Variants in ALOXE3 observed in about 807,000 individuals in gnomAD.
ALOXE3 encodes the protein hydroperoxide isomerase ALOXE3.
In ALOXE3, 78 loss-of-function variants were observed where a neutral mutation model predicts 87.5. That is an observed-to-expected ratio of 0.89 (90% confidence interval 0.74 to 1.08). ALOXE3 has a LOEUF of 1.08. Among genes scored for constraint, ALOXE3 ranks in the 50% least tolerant of loss-of-function variants. The pLI is 0.00. For synonymous variants in ALOXE3, 363 were observed against 370.8 expected, an observed-to-expected ratio of 0.98 and a Z score of 0.24; for missense variants, 946 against 912.4, an observed-to-expected ratio of 1.04 and a Z score of -0.47.
chr17:8,112,923 T>C (rs553821976), intron 6 of ALOXE3, among the ~76,000 whole-genome samples: 5 of 152,222 alleles, frequency 3.3e-5, no homozygotes, highest in Admixed American at 1.3e-4. Context: ...ACCTCCCAAG[T>C]AGCAGGCACT....
chr17:8,096,524 G>C lies in ALOXE3; in HGVS notation c.*103C>G. On this transcript the variant is annotated 3_prime_UTR_variant, in exon 16 of 16. Coordinates refer to ENST00000448843, the MANE Select transcript of ALOXE3 (RefSeq NM_021628.3). ...CTCCATGTGCAGAAGAGAAGGTTCA[G>C]GTGAACTGAGAACAGGGAGGATGGA... 1.3e-6 allele frequency: 1 copy of C among 762,400 alleles called. No individual in the cohort carries two copies. Among genetic ancestry groups the C allele is most frequent in the Non-Finnish European group, 2.4e-6 (1 of 412,190 alleles). The allele number at this position is 762,400 out of a possible 1,614,324, so 47.2% of individuals were successfully genotyped here.
rs1980784162 is a variant in ALOXE3, at chr17:8,118,160, TTCTC to T, written c.-174_-171del. 4 of 1,551,392 alleles carry T rather than the reference TTCTC, an allele frequency of 2.6e-6. No homozygotes were observed. The highest frequency in any genetic ancestry group is 3.5e-6 in the Non-Finnish European group (4 of 1,147,000). ...GCTCTCTCTGGGATGTTCCTGGGCTTTCTCTCTCCGAAGCTCCCTGCTGGCGGCT... is the reference window on the plus strand; with the variant it reads ...GCTCTCTCTGGGATGTTCCTGGGCTTTCTCCGAAGCTCCCTGCTGGCGGCT... On this transcript the variant is annotated 5_prime_UTR_variant, in exon 2 of 16. Transcript: ENST00000448843.
Position 8,115,612 on chromosome 17 carries a change from G to A in ALOXE3, c.429C>T (p.Cys143=), listed in dbSNP as rs771813730. The change falls in exon 4 of 16, where the codon TGC becomes TGT. Residue 143 remains cysteine (C), a synonymous_variant. Transcript: ENST00000448843. ...RTRELRARQE[C]YRWKIYAPGF... The stretch of plus-strand genomic sequence containing the variant: ...TCAAATTAGGCCACCCTCACCGGTA[G>A]CATTCTTGTCGGGCCCGGAGCTCCC... The A allele has an allele frequency of 3.7e-6, 6 of 1,613,164 alleles. No individual in the cohort carries two copies. In the South Asian group the frequency reaches 5.5e-5, roughly 15 times the overall value.
chr17:8,103,394 G>T lies in ALOXE3; in HGVS notation c.1885C>A (p.Leu629Ile). Residue 629 changes from leucine to isoleucine, a missense_variant, in exon 15 of 16, where the codon CTC becomes ATC. By Grantham distance (5) the Leu-to-Ile change is conservative. Coordinates refer to ENST00000448843, the MANE Select transcript of ALOXE3 (RefSeq NM_021628.3). ...TTACAGCTGATGTTCACTTCAGGGA[G>T]GGTGTCTAGGTAAGTCTTCAGGGTG... ...TTTLKTYLDT[L>I]PEVNISCNNL... The T allele has an allele frequency of 6.2e-7, 1 of 1,614,154 alleles. No individual in the cohort carries two copies. The highest frequency in any genetic ancestry group is 8.5e-7 in the Non-Finnish European group (1 of 1,180,022).
intron 6 of ALOXE3, among the ~76,000 whole-genome samples, chr17:8,113,651 TC>T (rs1356923623): frequency 6.8e-6 from 1 of 148,010 alleles, no homozygotes; most frequent in African/African-American, 2.6e-5. Flanking sequence ...AGACTCCGTC[TC>T]AAAACAACAA....
intron 1 of ALOXE3, 90 bp from the exon 2 acceptor site, chr17:8,118,393 G>C (rs1482954760): frequency 6.4e-7 from 1 of 1,551,184 alleles, no homozygotes; most frequent in Non-Finnish European, 8.7e-7. Context: ...TCAGCGGCCC[G>C]GACTGATGCC....
chr17:8,104,379 G>A (rs1241289531), intron 13 of ALOXE3, among the ~76,000 whole-genome samples, 164 bp from the exon 14 acceptor site: 2 of 152,080 alleles, frequency 1.3e-5, no homozygotes, highest in Non-Finnish European at 2.9e-5. Context: ...CAAGATTTGT[G>A]GTCTCTGAAG....
intron 13 of ALOXE3, among the ~76,000 whole-genome samples, chr17:8,106,863 C>G (rs1364584066): frequency 6.6e-6 from 1 of 151,366 alleles, no homozygotes. Flanking sequence ...TTCTGATGCA[C>G]TAACTCAGAG....
At chr17:8,107,522 A>G (rs957809603) in intron 13 of ALOXE3, among the ~76,000 whole-genome samples, 25 of 151,892 alleles carry the variant, frequency 1.6e-4, no homozygotes, top group Non-Finnish European at 2.9e-4. Flanking sequence ...GTCTCGCACC[A>G]GGCGAGGTGG....
chr17:8,115,491 G>A, intron 4 of ALOXE3, 116 bp downstream of exon 4: 1 of 1,073,404 alleles, frequency 9.3e-7, no homozygotes, highest in East Asian at 2.5e-5. Context: ...CCAAATAAGA[G>A]TCCTGATCCA....
chr17:8,115,116 G>A, intron 4 of ALOXE3, 59 bp from the exon 5 acceptor site: 1 of 1,604,322 alleles, frequency 6.2e-7, no homozygotes, highest in Non-Finnish European at 8.5e-7. Context: ...ACAAGTCTTA[G>A]CTTTAAAGAC....
chr17:8,112,190 C>G lies in ALOXE3; in HGVS notation c.687G>C (p.Leu229Phe). The change falls in exon 7 of 16, where the codon TTG (leucine) becomes TTC (phenylalanine). Residue 229 changes from leucine to phenylalanine, a missense_variant. Leu to Phe is a conservative substitution (Grantham distance 22). Coordinates refer to ENST00000448843, the MANE Select transcript of ALOXE3 (RefSeq NM_021628.3). ...SLLFNAIPAS[L>F]GMKLRGLLDR... ...CCAACAGCCCTCGAAGCTTCATTCCCAAGGACCTGATGGGAGAGGAAAAGA... is the reference window on the plus strand; with the variant it reads ...CCAACAGCCCTCGAAGCTTCATTCCGAAGGACCTGATGGGAGAGGAAAAGA... 6.2e-7 allele frequency: 1 copy of G among 1,613,858 alleles called. No homozygotes were observed.
chr17:8,098,647 G>A (rs1411392125), intron 15 of ALOXE3, among the ~76,000 whole-genome samples: 1 of 152,090 alleles, frequency 6.6e-6, no homozygotes, highest in Non-Finnish European at 1.5e-5. Context: ...CACATATTGA[G>A]ATAATTATAT....
Position 8,109,230 on chromosome 17 carries a change from A to G in ALOXE3, c.1506T>C (p.Ala502=). The G allele has an allele frequency of 6.2e-7, 1 of 1,614,098 alleles. No homozygotes were observed. Among genetic ancestry groups the G allele is most frequent in the Admixed American group, 1.7e-5 (1 of 60,034 alleles). Residue 502 remains alanine (A), a synonymous_variant, in exon 12 of 16, where the codon GCT becomes GCC. Coordinates refer to ENST00000448843, the MANE Select transcript of ALOXE3 (RefSeq NM_021628.3). Reference sequence around the variant, plus strand: ...CGTCTCGGTAGTGGTAGTTGGGGATAGCCAGGACGCCGCGGGCCCGCAGGC... The same window carrying G: ...CGTCTCGGTAGTGGTAGTTGGGGATGGCCAGGACGCCGCGGGCCCGCAGGC... The part of the protein sequence containing the change: ...PDSLRARGVL[A]IPNYHYRDDG...
chr17:8,110,179 G>C lies in ALOXE3; in HGVS notation c.1218C>G (p.Asn406Lys). ...RNSEFLVHEN[N>K]THFLCTHLLC... ...GCAAATGCGTGCACAGAAAGTGCGT[G>C]TTGTTTTCGTGCACCAGGAACTCAG... Residue 406 changes from asparagine (N) to lysine (K), a missense_variant, in exon 10 of 16, where the codon AAC (asparagine) becomes AAG (lysine). Asn to Lys is a moderately conservative substitution (Grantham distance 94). Transcript: ENST00000448843. 6.2e-7 allele frequency: 1 copy of C among 1,614,122 alleles called. No homozygotes were observed. Among genetic ancestry groups the C allele is most frequent in the East Asian group, 2.2e-5 (1 of 44,886 alleles).
chr17:8,114,479 C>A lies in ALOXE3; in HGVS notation c.680+5G>T. On this transcript the variant is annotated splice_donor_5th_base_variant and intron_variant, in intron 6 of 15. Transcript: ENST00000448843. ...AGATGTTCATTAGAGGGACAATGGCCTTACGCAGGGATGGCATTGAAGAGC... is the reference window on the plus strand; with the variant it reads ...AGATGTTCATTAGAGGGACAATGGCATTACGCAGGGATGGCATTGAAGAGC... The A allele has an allele frequency of 6.2e-7, 1 of 1,613,734 alleles. No individual in the cohort carries two copies. Among genetic ancestry groups the A allele is most frequent in the Non-Finnish European group, 8.5e-7 (1 of 1,179,946 alleles).
intron 3 of ALOXE3, 64 bp downstream of exon 3, chr17:8,116,712 G>C (rs1028846754): frequency 6.4e-7 from 1 of 1,555,862 alleles, no homozygotes; most frequent in African/African-American, 1.4e-5. Context: ...GGCTCTGTGA[G>C]ACCCCACTCC....
Position 8,115,072 on chromosome 17 carries a change from A to C in ALOXE3, c.435-15T>G, listed in dbSNP as rs761710105. 1 of 1,614,168 alleles carries C rather than the reference A, an allele frequency of 6.2e-7. No homozygotes were observed. Among genetic ancestry groups the C allele is most frequent in the Non-Finnish European group, 8.5e-7 (1 of 1,179,990 alleles). On this transcript the variant is annotated splice_polypyrimidine_tract_variant and intron_variant, in intron 4 of 15. Coordinates refer to ENST00000448843, the MANE Select transcript of ALOXE3 (RefSeq NM_021628.3). The stretch of plus-strand genomic sequence containing the variant: ...AGATCTTCCAGCTTCCGAGGGAAAG[A>C]GGTCAGAGGTGGCAGGTCATGCTCG...
In ALOXE3 at chr17:8,118,305, T is replaced by C. The variant is rs1190631583; in HGVS notation, c.-313-2A>G. 3 of 1,551,644 alleles carry C rather than the reference T, an allele frequency of 1.9e-6. No homozygotes were observed. The South Asian group carries it at 3.6e-5, about 18-fold the overall frequency. On this transcript the variant is annotated splice_acceptor_variant, in intron 1 of 15. Transcript: ENST00000448843. LOFTEE classifies it low-confidence loss of function (5UTR_SPLICE). ...TGGATATCAGGAGCCTGGGTTCCAC[T>C]GCGGAGGGAGGGATCAGATGCTGAG...
Sources: gnomAD v4.1 joint callset for allele counts (sites outside exome capture counted in the v4.1 genomes callset) on GRCh38, gnomAD v4.1.1 for gene constraint, MANE v1.5 for transcripts, NCBI Gene and HGNC (gene_info 2026-07-23, HGNC 2026-07-21) for gene names.